Variants in MAGI3 observed in about 807,000 individuals in gnomAD.
MAGI3 encodes the protein membrane-associated guanylate kinase, WW and PDZ domain-containing protein 3.
MAGI3 carries 43 observed loss-of-function variants against 121.8 expected under a neutral mutation model. The ratio of observed to expected loss-of-function variants is 0.35; its 90% CI spans 0.28 to 0.46. The LOEUF (loss-of-function observed/expected upper bound fraction) is 0.46, where lower values mean the gene tolerates loss of function less well. Ranked by LOEUF, MAGI3 falls within the 20% of genes least tolerant of loss-of-function variation. The pLI, the probability that MAGI3 is intolerant of heterozygous loss-of-function variation, is 1.00. For missense variants in MAGI3, 1,547 were observed against 1,797.3 expected (o/e 0.86, Z 2.52); for synonymous variants, 553 against 639.3 (o/e 0.86, Z 2.04).
chr1:113,458,235 T>C (rs1401606956), intron 1 of MAGI3, among the ~76,000 whole-genome samples: 1 of 152,040 alleles, frequency 6.6e-6, no homozygotes, highest in African/African-American at 2.4e-5. Flanking sequence ...GTGGGTGCAA[T>C]GGAGATTCAG....
Position 113,619,819 on chromosome 1 carries a change from C to A in MAGI3, c.1160C>A (p.Ser387Tyr), listed in dbSNP as rs1650710656. Residue 387 changes from serine to tyrosine, a missense_variant, in exon 8 of 21, where the codon TCT (serine) becomes TAT (tyrosine). By Grantham distance (144) the Ser-to-Tyr change is moderately radical. Transcript: ENST00000307546. Reference sequence around the variant, plus strand: ...CAGTTAGGACAGGTTGAAATTGGGTCTTCAAAACCAGGTAAGCATTCTTTT... The same window carrying A: ...CAGTTAGGACAGGTTGAAATTGGGTATTCAAAACCAGGTAAGCATTCTTTT... ...KKQLGQVEIGSSKPDMEKSHF... is the reference protein window; with the variant it reads ...KKQLGQVEIGYSKPDMEKSHF... The A allele has an allele frequency of 6.2e-7, 1 of 1,608,578 alleles. No homozygotes were observed. The highest frequency in any genetic ancestry group is 1.3e-5 in the African/African-American group (1 of 74,768).
chr1:113,465,960 T>G (rs761705335), intron 1 of MAGI3, among the ~76,000 whole-genome samples: 13 of 152,136 alleles, frequency 8.5e-5, no homozygotes, highest in Non-Finnish European at 1.9e-4. Context: ...CTAATTTGAC[T>G]TCTTTTCCAA....
chr1:113,647,394 C>T (rs757862393), intron 12 of MAGI3, among the ~76,000 whole-genome samples: 8 of 152,012 alleles, frequency 5.3e-5, no homozygotes, highest in Non-Finnish European at 1.5e-5. Flanking sequence ...GTTTTTCTGG[C>T]AGGAGTATGA....
At chr1:113,477,782 A>G (rs1177384736) in intron 1 of MAGI3, among the ~76,000 whole-genome samples, 1 of 152,120 alleles carries the variant, frequency 6.6e-6, no homozygotes, top group Non-Finnish European at 1.5e-5. Context: ...CTGCCTTGCT[A>G]TGTTGGGGAA....
chr1:113,491,242 C>T (rs1349378440), intron 1 of MAGI3, among the ~76,000 whole-genome samples: 1 of 152,168 alleles, frequency 6.6e-6, no homozygotes, highest in Non-Finnish European at 1.5e-5. Flanking sequence ...CATACAATTA[C>T]ATGGCAATTG....
intron 1 of MAGI3, among the ~76,000 whole-genome samples, chr1:113,471,383 T>C (rs891450363): frequency 6.6e-6 from 1 of 152,000 alleles, no homozygotes; most frequent in Admixed American, 6.6e-5. Context: ...AGTGGGTCAA[T>C]GGAGAAATCA....
intron 1 of MAGI3, among the ~76,000 whole-genome samples, chr1:113,461,349 G>A (rs940541787): frequency 3.3e-5 from 5 of 152,138 alleles, no homozygotes; most frequent in Admixed American, 3.3e-4. Context: ...CAAGGTTACA[G>A]TCACCAGAAC....
At chr1:113,609,653 T>A (rs1235243938) in intron 6 of MAGI3, among the ~76,000 whole-genome samples, 1 of 152,150 alleles carries the variant, frequency 6.6e-6, no homozygotes, top group Non-Finnish European at 1.5e-5. Context: ...ATTAAAAAAA[T>A]TATCAACTGA....
chr1:113,496,903 A>T (rs949481956), intron 1 of MAGI3, among the ~76,000 whole-genome samples: 21 of 152,174 alleles, frequency 1.4e-4, no homozygotes, highest in Non-Finnish European at 2.9e-5. Context: ...TAGATCTCTT[A>T]TAAAATGCAT....
chr1:113,584,090 CT>C (rs1339977332), intron 3 of MAGI3, among the ~76,000 whole-genome samples: 1 of 152,010 alleles, frequency 6.6e-6, no homozygotes, highest in Admixed American at 6.6e-5. Context: ...AATTATCTAC[CT>C]CATTAATTTA....
At chr1:113,542,758 C>T (rs183870746) in intron 1 of MAGI3, among the ~76,000 whole-genome samples, 78 of 152,260 alleles carry the variant, frequency 5.1e-4, no homozygotes, top group South Asian at 2.5e-3. Context: ...CAGGTACATA[C>T]GCGTGTGCAC....
chr1:113,652,877 G>A (rs1557875825), intron 14 of MAGI3, among the ~76,000 whole-genome samples: 1 of 152,136 alleles, frequency 6.6e-6, no homozygotes, highest in African/African-American at 2.4e-5. Flanking sequence ...AAAAGGTGTA[G>A]GTTAATTGGC....
intron 1 of MAGI3, among the ~76,000 whole-genome samples, chr1:113,510,508 A>G (rs1227310793): frequency 6.6e-6 from 1 of 152,198 alleles, no homozygotes; most frequent in Admixed American, 6.5e-5. Flanking sequence ...CCCTTCTGCT[A>G]ATAACTTCAT....
In MAGI3 at chr1:113,623,435, CAT is replaced by C. The variant is rs1160452888; in HGVS notation, c.1360+449_1360+450del. Among the ~76,000 whole-genome samples the C allele has an allele frequency of 1.1e-3, 156 of 138,500 alleles. 1 individual carries two copies. Among genetic ancestry groups the C allele is most frequent in the African/African-American group, 4.0e-3 (146 of 36,052 alleles). The allele number at this position is 138,500 out of a possible 152,430, so 90.9% of individuals were successfully genotyped here. On this transcript the variant is annotated intron_variant, in intron 9 of 20. Coordinates refer to ENST00000307546, the MANE Select transcript of MAGI3 (RefSeq NM_001142782.2). ...TATACACACACATATATATAATACA[CAT>C]ATATATACACACACATACACACACA...
At chr1:113,494,191 G>C (rs1046071138) in intron 1 of MAGI3, among the ~76,000 whole-genome samples, 3 of 152,066 alleles carry the variant, frequency 2.0e-5, no homozygotes, top group Non-Finnish European at 4.4e-5. Context: ...CCATCAAGAA[G>C]AACGATCATG....
intron 1 of MAGI3, among the ~76,000 whole-genome samples, chr1:113,531,028 CAT>C (rs1658694078): frequency 6.6e-6 from 1 of 152,156 alleles, no homozygotes; most frequent in African/African-American, 2.4e-5. Context: ...GGGCTAGAGA[CAT>C]AAACTGTACT....
At position 113,407,062 on chromosome 1, in the gene MAGI3, T is replaced by C. The variant is rs1651721401; in HGVS notation, c.316+15713T>C. Among the ~76,000 whole-genome samples, 4 of 152,144 alleles carry C rather than the reference T, an allele frequency of 2.6e-5. No homozygotes were observed. In the South Asian group the frequency reaches 8.3e-4, roughly 32 times the overall value. ...GGGGTGAAAGTGAGAGGGATCAGAT[T>C]GAAGAAGTAGACGGGGACCAGTGGG... On this transcript the variant is annotated intron_variant, in intron 1 of 20. Transcript: ENST00000307546.
Position 113,659,108 on chromosome 1 carries a change from A to C in MAGI3, c.2658A>C (p.Ile886=). The part of the protein sequence containing the change: ...GVIPHKIGRV[I]EGSPADRCGK... Reference sequence around the variant, plus strand: ...TTCCTCATAAAATTGGCCGAGTCATAGAAGGAAGTCCGGCTGACCGCTGTG... The same window carrying C: ...TTCCTCATAAAATTGGCCGAGTCATCGAAGGAAGTCCGGCTGACCGCTGTG... The change falls in exon 16 of 21, where the codon ATA becomes ATC. Residue 886 remains isoleucine, a synonymous_variant. Coordinates refer to ENST00000307546, the MANE Select transcript of MAGI3 (RefSeq NM_001142782.2). 1 of 1,613,052 alleles carries C rather than the reference A, an allele frequency of 6.2e-7. No individual in the cohort carries two copies.
intron 1 of MAGI3, among the ~76,000 whole-genome samples, chr1:113,502,846 A>G (rs939176960): frequency 3.4e-5 from 2 of 58,052 alleles, no homozygotes; most frequent in African/African-American, 1.4e-4. Context: ...AGACTGGATT[A>G]AGAAAATGTG....
Sources: gnomAD v4.1 joint callset for allele counts (sites outside exome capture counted in the v4.1 genomes callset) on GRCh38, gnomAD v4.1.1 for gene constraint, MANE v1.5 for transcripts, NCBI Gene and HGNC (gene_info 2026-07-23, HGNC 2026-07-21) for gene names.